The following NGEF variants were observed in gnomAD, a reference collection of about 807,000 sequenced individuals.
NGEF encodes neuronal guanine nucleotide exchange factor.
NGEF carries 31 observed loss-of-function variants against 80.9 expected under a neutral mutation model. The ratio of observed to expected loss-of-function variants is 0.38; its 90% CI spans 0.29 to 0.52. NGEF has a LOEUF of 0.52. Among genes scored for constraint, NGEF ranks in the 20% least tolerant of loss-of-function variants. NGEF has a pLI of 0.84. For synonymous variants in NGEF, 371 were observed against 370.2 expected (o/e 1.00, Z -0.03); for missense variants, 709 against 926.2 (o/e 0.77, Z 3.04).
rs151123203 is a variant in NGEF at position 232,989,538 on chromosome 2, C to G, written c.-74-14574G>C. 4.4e-3 allele frequency among the ~76,000 whole-genome samples: 668 copies of G among 152,230 alleles called. 8 individuals are homozygous for G. Among genetic ancestry groups the G allele is most frequent in the African/African-American group, 0.015 (625 of 41,538 alleles). ...GTCTTTTGAGAAAAAATGACTAGCA[C>G]AGAACCTTAAATACAGAAATGAGTC... On this transcript the variant is annotated intron_variant, in intron 1 of 14. Coordinates refer to ENST00000264051, the MANE Select transcript of NGEF (RefSeq NM_019850.3).
At chr2:232,890,023 G>C (rs1026395362) in intron 8 of NGEF, among the ~76,000 whole-genome samples, 1 of 152,222 alleles carries the variant, frequency 6.6e-6, no homozygotes, top group Non-Finnish European at 1.5e-5. Flanking sequence ...CCCAGCATCT[G>C]TCAGGCAGAG....
At chr2:232,953,301 C>CAAAAAAAAAAAA (rs57652494) in intron 3 of NGEF, among the ~76,000 whole-genome samples, 25 of 91,110 alleles carry the variant, frequency 2.7e-4, no homozygotes, top group Non-Finnish European at 3.9e-4. Flanking sequence ...GACTCTGTGT[C>CAAAAAAAAAAAA]AAAAAAAAAA....
chr2:232,966,547 CCCT>C (rs1694062647), intron 3 of NGEF, among the ~76,000 whole-genome samples: 1 of 152,070 alleles, frequency 6.6e-6, no homozygotes, highest in Admixed American at 6.6e-5. Context: ...TCCATTGAAG[CCCT>C]CCTCATTTAA....
intron 5 of NGEF, among the ~76,000 whole-genome samples, chr2:232,899,736 TCA>T (rs1437041845): frequency 2.2e-4 from 31 of 139,120 alleles, no homozygotes; most frequent in African/African-American, 8.0e-4. Flanking sequence ...ACACGTTCAC[TCA>T]CATTCACTTA....
chr2:232,913,786 G>A (rs1692737306), intron 5 of NGEF, among the ~76,000 whole-genome samples: 3 of 152,000 alleles, frequency 2.0e-5, no homozygotes, highest in East Asian at 1.9e-4. Context: ...TGGGCGTGGT[G>A]GCACGTGCCT....
chr2:233,006,357 G>A (rs1414013475), intron 1 of NGEF, among the ~76,000 whole-genome samples: 2 of 152,166 alleles, frequency 1.3e-5, no homozygotes, highest in African/African-American at 4.8e-5. Flanking sequence ...TCATCATTGG[G>A]TCTAATGTGC....
At chr2:232,905,025 A>G (rs1169534428) in intron 5 of NGEF, among the ~76,000 whole-genome samples, 2 of 152,336 alleles carry the variant, frequency 1.3e-5, no homozygotes, top group South Asian at 2.1e-4. Flanking sequence ...TTTCAGCTAG[A>G]TAATTTTTAC....
At chr2:232,986,533 G>C (rs996134981) in intron 1 of NGEF, among the ~76,000 whole-genome samples, 1 of 152,234 alleles carries the variant, frequency 6.6e-6, no homozygotes, top group Admixed American at 6.5e-5. Context: ...TAAAAAAGGA[G>C]AAAATCCTGC....
At chr2:233,004,226 C>T (rs1354098505) in intron 1 of NGEF, among the ~76,000 whole-genome samples, 1 of 152,146 alleles carries the variant, frequency 6.6e-6, no homozygotes, top group Non-Finnish European at 1.5e-5. Flanking sequence ...ACCCTGCAGC[C>T]CTGCAGGCAC....
At chr2:232,929,270 A>G (rs1693169228) in intron 3 of NGEF, among the ~76,000 whole-genome samples, 1 of 152,256 alleles carries the variant, frequency 6.6e-6, no homozygotes, top group South Asian at 2.1e-4. Flanking sequence ...TCCTGGTGGC[A>G]GCGGTGCAGT....
chr2:232,914,172 G>C (rs892248016), intron 5 of NGEF, among the ~76,000 whole-genome samples: 2 of 152,170 alleles, frequency 1.3e-5, no homozygotes, highest in African/African-American at 2.4e-5. Context: ...GACAGAGCTG[G>C]GTAGTTCTGA....
chr2:232,978,106 C>T (rs56294783), intron 1 of NGEF, among the ~76,000 whole-genome samples: 1 of 151,654 alleles, frequency 6.6e-6, no homozygotes, highest in Non-Finnish European at 1.5e-5. Context: ...AGGCATCTTC[C>T]GGCTCTGACA....
intron 3 of NGEF, among the ~76,000 whole-genome samples, chr2:232,932,100 A>G (rs1253621009): frequency 6.6e-6 from 1 of 151,968 alleles, no homozygotes; most frequent in Non-Finnish European, 1.5e-5. Flanking sequence ...ATTGGCTAAG[A>G]AGATACAAGT....
chr2:232,920,565 G>C lies in NGEF; in HGVS notation c.547C>G (p.Arg183Gly). The C allele has an allele frequency of 2.0e-6, 3 of 1,526,356 alleles. No homozygotes were observed. Among genetic ancestry groups the C allele is most frequent in the Non-Finnish European group, 2.6e-6 (3 of 1,135,510 alleles). 94.6% of individuals were successfully genotyped at this position (1,526,356 alleles called of 1,614,324 possible). A position where few individuals can be genotyped will look rare whatever the true frequency, so the allele number is the denominator to read the frequency against. Residue 183 changes from arginine (R) to glycine (G), a missense_variant, in exon 5 of 15, where the codon CGA becomes GGA. This residue lies in a region of NGEF where 283 missense variants were observed against 303.4 expected (regional missense o/e 0.93). Coordinates refer to ENST00000264051, the MANE Select transcript of NGEF (RefSeq NM_019850.3). ...ATTTCTTGGAGAGTCGATTTATCTC[G>C]GTATTCCTGATACAGGAGCCCTGAA... ...EQIGLLYQEY[R>G]DKSTLQEIET...
rs541358879 is a variant in NGEF at position 232,901,261 on chromosome 2, G to A, written c.829-6345C>T. ...CTGGCCGGCCGGGACTACAGTGTCT[G>A]TCCTCGGAGTCCCACTCCTGCCTCC... On this transcript the variant is annotated intron_variant, in intron 5 of 14. Coordinates refer to ENST00000264051, the MANE Select transcript of NGEF (RefSeq NM_019850.3). 22 of 582,538 alleles carry A rather than the reference G, an allele frequency of 3.8e-5. No homozygotes were observed. The African/African-American group carries it at 4.5e-4, about 12-fold the overall frequency. The allele number at this position is 582,538 out of a possible 1,614,324, so 36.1% of individuals were successfully genotyped here.
intron 1 of NGEF, among the ~76,000 whole-genome samples, chr2:232,985,876 T>C (rs967976401): frequency 4.0e-5 from 6 of 151,488 alleles, no homozygotes; most frequent in African/African-American, 1.5e-4. Context: ...GAAGCAGAGG[T>C]TGCAGTGAGC....
At chr2:232,969,982 T>G in intron 3 of NGEF, 1 of 251,548 alleles carries the variant, frequency 4.0e-6, no homozygotes, top group Non-Finnish European at 7.5e-6. Flanking sequence ...CTGGGTAACA[T>G]AGCAAGACCA....
chr2:233,000,805 C>T (rs1221155339), intron 1 of NGEF, among the ~76,000 whole-genome samples: 1 of 151,870 alleles, frequency 6.6e-6, no homozygotes, highest in Non-Finnish European at 1.5e-5. Context: ...CCAGAGGTCC[C>T]ATCTCCAATA....
At chr2:232,940,537 G>C (rs531125161) in intron 3 of NGEF, among the ~76,000 whole-genome samples, 1 of 152,124 alleles carries the variant, frequency 6.6e-6, no homozygotes, top group Admixed American at 6.5e-5. Flanking sequence ...GCAAAAAAAT[G>C]AGCAGCGAGG....
Sources: gnomAD v4.1 joint callset for allele counts (sites outside exome capture counted in the v4.1 genomes callset) on GRCh38, gnomAD v4.1.1 for gene constraint, gnomAD v4.1.1 regional missense constraint, MANE v1.5 for transcripts, NCBI Gene and HGNC (gene_info 2026-07-23, HGNC 2026-07-21) for gene names.